NPHP4: variants seen among roughly 807,000 people sequenced by gnomAD.
NPHP4 encodes the protein nephrocystin-4.
In NPHP4, 151 loss-of-function variants were observed where a neutral mutation model predicts 155.8. The ratio of observed to expected loss-of-function variants is 0.97; its 90% CI spans 0.85 to 1.11. The LOEUF is 1.11. NPHP4 is among the 50% of genes least tolerant of loss of function. NPHP4 has a pLI of 0.00. For synonymous variants in NPHP4, 845 were observed against 816.8 expected, an observed-to-expected ratio of 1.03 and a Z score of -0.59; for missense variants, 1,956 against 1,925.7, an observed-to-expected ratio of 1.02 and a Z score of -0.29.
intron 16 of NPHP4, among the ~76,000 whole-genome samples, chr1:5,891,718 C>T (rs1192052293): frequency 1.3e-5 from 2 of 152,234 alleles, no homozygotes; most frequent in African/African-American, 4.8e-5. Context: ...CTCTTTCTAT[C>T]AATAATGGTG....
intron 2 of NPHP4, among the ~76,000 whole-genome samples, chr1:5,980,236 A>G (rs565564637): frequency 1.1e-4 from 16 of 152,272 alleles, no homozygotes; most frequent in African/African-American, 3.1e-4. Flanking sequence ...CCTGTGGGAC[A>G]TGGCCTACCC....
At chr1:5,961,388 G>A (rs1173046986) in intron 6 of NPHP4, among the ~76,000 whole-genome samples, 1 of 152,144 alleles carries the variant, frequency 6.6e-6, no homozygotes, top group Non-Finnish European at 1.5e-5. Flanking sequence ...TTTTAAAAGG[G>A]CTAAGACGGT....
chr1:5,918,490 T>G (rs1226953531), intron 11 of NPHP4, among the ~76,000 whole-genome samples: 1 of 151,904 alleles, frequency 6.6e-6, no homozygotes, highest in African/African-American at 2.4e-5. Context: ...TCAAAGAGGA[T>G]GAATAAAGAT....
rs1453028844 is a variant in NPHP4 at position 5,867,538 on chromosome 1, T to C, written c.3472+202A>G. On this transcript the variant is annotated intron_variant, in intron 24 of 29. Coordinates refer to ENST00000378156, the MANE Select transcript of NPHP4 (RefSeq NM_015102.5). This position sits in a 1 kb window ranked among gnomAD's most constrained non-coding sequence, Gnocchi z 4.1. Reference sequence around the variant, plus strand: ...TAGAAGGGCAGACTCAGCCGGCAAATGCGCACCTAGTCATCTCAGAGGTGG... The same window carrying C: ...TAGAAGGGCAGACTCAGCCGGCAAACGCGCACCTAGTCATCTCAGAGGTGG... 1.6e-6 allele frequency: 1 copy of C among 618,584 alleles called. No homozygotes were observed. The highest frequency in any genetic ancestry group is 4.4e-4 in the Middle Eastern group (1 of 2,268). 38.3% of individuals were successfully genotyped at this position (618,584 alleles called of 1,614,324 possible).
intron 29 of NPHP4, 67 bp downstream of exon 29, chr1:5,863,823 G>T (rs1173826220): frequency 6.4e-7 from 1 of 1,553,466 alleles, no homozygotes; most frequent in East Asian, 2.2e-5. Context: ...CCTAAATGCA[G>T]GCTAACTGCC....
chr1:5,887,588 C>T (rs921023484), intron 17 of NPHP4, 122 bp from the exon 18 acceptor site: 10 of 1,052,244 alleles, frequency 9.5e-6, no homozygotes, highest in African/African-American at 1.6e-5. Context: ...AGGGGGTGTG[C>T]GCAGGATAAG....
chr1:5,945,011 G>A (rs1006963177), intron 9 of NPHP4, among the ~76,000 whole-genome samples: 2 of 152,120 alleles, frequency 1.3e-5, no homozygotes, highest in South Asian at 2.1e-4. Flanking sequence ...ACCCGCACCC[G>A]CACCCCAGAC....
At chr1:5,946,198 C>T (rs952391321) in intron 9 of NPHP4, among the ~76,000 whole-genome samples, 6 of 152,132 alleles carry the variant, frequency 3.9e-5, no homozygotes, top group African/African-American at 1.2e-4. Context: ...ATGGAAAAGG[C>T]GGAACTGCAT....
chr1:5,912,152 A>C (rs1645207938), intron 11 of NPHP4, among the ~76,000 whole-genome samples: 1 of 152,186 alleles, frequency 6.6e-6, no homozygotes, highest in Non-Finnish European at 1.5e-5. Context: ...CCTCAGCAGA[A>C]CCCGGCAGAT....
At chr1:5,941,544 C>T (rs1412371264) in intron 9 of NPHP4, among the ~76,000 whole-genome samples, 1 of 151,952 alleles carries the variant, frequency 6.6e-6, no homozygotes, top group East Asian at 1.9e-4. Flanking sequence ...AGATAAAGAG[C>T]AAATATCCTT....
intron 6 of NPHP4, among the ~76,000 whole-genome samples, chr1:5,953,234 T>C (rs1327175790): frequency 1.3e-5 from 2 of 152,204 alleles, no homozygotes; most frequent in African/African-American, 2.4e-5. Context: ...GCCTCCCAAG[T>C]AGCTGCGATT....
chr1:5,942,269 T>C (rs1570553194), intron 9 of NPHP4, among the ~76,000 whole-genome samples: 2 of 152,098 alleles, frequency 1.3e-5, no homozygotes, highest in Non-Finnish European at 2.9e-5. Flanking sequence ...CAGTGGCTCA[T>C]GCCTGTAATC....
intron 1 of NPHP4, among the ~76,000 whole-genome samples, chr1:5,987,406 T>C (rs943780092): frequency 3.3e-5 from 5 of 152,132 alleles, no homozygotes; most frequent in African/African-American, 9.7e-5. Context: ...TCAGGGGCTC[T>C]ACAAGGTCAA....
rs896391295 is a variant in NPHP4 at position 5,876,988 on chromosome 1, G to A, written c.2817+105C>T. 7.7e-6 allele frequency: 6 copies of A among 782,124 alleles called. No homozygotes were observed. The African/African-American group carries it at 1.1e-4, about 14-fold the overall frequency. 48.4% of individuals were successfully genotyped at this position (782,124 alleles called of 1,614,324 possible). On this transcript the variant is annotated intron_variant, in intron 20 of 29. Transcript: ENST00000378156. ...TTCTTATATTCTGTCCCCAGGATTT[G>A]GGAGGAAGGTAAGAGAGAATCATGT... is the stretch of plus-strand genomic sequence containing the variant.
At chr1:5,894,113 T>G (rs1466639331) in intron 16 of NPHP4, among the ~76,000 whole-genome samples, 1 of 152,262 alleles carries the variant, frequency 6.6e-6, no homozygotes, top group East Asian at 1.9e-4. Context: ...TTTATTATAC[T>G]GGAACAGCTC....
At chr1:5,893,531 T>A (rs1394979893) in intron 16 of NPHP4, among the ~76,000 whole-genome samples, 1 of 152,202 alleles carries the variant, frequency 6.6e-6, no homozygotes, top group African/African-American at 2.4e-5. Flanking sequence ...TTTAGTACTT[T>A]CACTAATTTT....
At position 5,961,801 on chromosome 1, in the gene NPHP4, T is replaced by C. The variant is rs1481875030; in HGVS notation, c.666A>G (p.Gly222=). The C allele has an allele frequency of 6.2e-7, 1 of 1,611,992 alleles. No homozygotes were observed. The change falls in exon 6 of 30, where the codon GGA becomes GGG. Residue 222 remains glycine, a synonymous_variant. Transcript: ENST00000378156. ...AATCAAAGACGCCCTTACCGGATTC[T>C]CCATGAGCTGGAAGCAGGCCAGGTA... ...QQIPGLLPAH[G]ESGDALRKPR...
At chr1:5,876,941 C>T (rs942452304) in intron 20 of NPHP4, 152 bp downstream of exon 20, 3 of 481,926 alleles carry the variant, frequency 6.2e-6, no homozygotes, top group South Asian at 1.0e-4. Flanking sequence ...AGATTTCCCC[C>T]GGTGGCTGAA....
chr1:5,958,589 G>C (rs1054808971), intron 6 of NPHP4, among the ~76,000 whole-genome samples: 6 of 152,010 alleles, frequency 3.9e-5, no homozygotes, highest in Non-Finnish European at 8.8e-5. Context: ...CAGCTACTCG[G>C]GAGGCTGAGG....
Sources: gnomAD v4.1 joint callset for allele counts (sites outside exome capture counted in the v4.1 genomes callset) on GRCh38, gnomAD v4.1.1 for gene constraint, Gnocchi (gnomAD v3.1) non-coding constraint, MANE v1.5 for transcripts, NCBI Gene and HGNC (gene_info 2026-07-23, HGNC 2026-07-21) for gene names.